OPA3: variants seen among roughly 807,000 people sequenced by gnomAD.
OPA3 encodes the protein outer mitochondrial membrane lipid metabolism regulator OPA3.
In OPA3, 6 loss-of-function variants were observed where a neutral mutation model predicts 4.0. The observed-to-expected ratio is 1.51, with a 90% CI of 0.83 to 2.99. OPA3 has a LOEUF of 2.99. OPA3 is among the 30% of genes most tolerant of loss of function. OPA3 has a pLI of 0.00. For synonymous variants in OPA3, 105 were observed against 117.1 expected (o/e 0.90, Z 0.67); for missense variants, 235 against 256.2 (o/e 0.92, Z 0.56).
rs972651509 is a variant in OPA3 at position 45,547,514 on chromosome 19, G to C, written c.*6000C>G. 1.3e-5 allele frequency: 2 copies of C among 152,298 alleles called. No homozygotes were observed. Among genetic ancestry groups the C allele is most frequent in the African/African-American group, 2.4e-5 (1 of 41,424 alleles). The allele number at this position is 152,298 out of a possible 1,614,324, so 9.4% of individuals were successfully genotyped here. A position where few individuals can be genotyped will look rare whatever the true frequency, so the allele number is the denominator to read the frequency against. On this transcript the variant is annotated 3_prime_UTR_variant, in exon 2 of 2. Transcript: ENST00000263275. Reference sequence around the variant, plus strand: ...CAGCCAGAAACTCTTGCTGTTCCAGGAACAGGCCAAGGCCACATCTGTCCT... The same window carrying C: ...CAGCCAGAAACTCTTGCTGTTCCAGCAACAGGCCAAGGCCACATCTGTCCT...
At chr19:45,583,536 G>C (rs1969886991) in intron 1 of OPA3, among the ~76,000 whole-genome samples, 1 of 151,364 alleles carries the variant, frequency 6.6e-6, no homozygotes, top group South Asian at 2.1e-4. Context: ...CAGTCTTGCT[G>C]TGTCGCCCAG....
At chr19:45,581,305 GA>G (rs1347370939) in intron 1 of OPA3, among the ~76,000 whole-genome samples, 3 of 152,140 alleles carry the variant, frequency 2.0e-5, no homozygotes, top group Non-Finnish European at 4.4e-5. Context: ...CAAACTTACA[GA>G]GGGGGAAAAA....
At chr19:45,567,389 C>T (rs947667839) in intron 1 of OPA3, among the ~76,000 whole-genome samples, 1 of 149,876 alleles carries the variant, frequency 6.7e-6, no homozygotes, top group Non-Finnish European at 1.5e-5. Flanking sequence ...TTGATACATT[C>T]AGCAAGAAGT....
At chr19:45,533,616 TC>T (rs1969084186) in intron 1 of OPA3, among the ~76,000 whole-genome samples, 1 of 152,094 alleles carries the variant, frequency 6.6e-6, no homozygotes, top group African/African-American at 2.4e-5. Context: ...CCAGGAGAGG[TC>T]AGTTCACCAG....
intron 1 of OPA3, among the ~76,000 whole-genome samples, chr19:45,580,714 G>T (rs1163068000): frequency 6.6e-6 from 1 of 150,788 alleles, no homozygotes; most frequent in Non-Finnish European, 1.5e-5. Flanking sequence ...TGCCTCCCAG[G>T]TTCAAGCAAT....
chr19:45,572,456 TATATC>T lies in OPA3; in HGVS notation c.142+12162_142+12166del, dbSNP rs1195773063. On this transcript the variant is annotated intron_variant, in intron 1 of 1. Coordinates refer to ENST00000263275, the MANE Select transcript of OPA3 (RefSeq NM_025136.4). ...GATATATGTATATCAATATATGATA[TATATC>T]ATATATCATATAATAATCATATATA... Among the ~76,000 whole-genome samples the T allele has an allele frequency of 4.5e-5, 6 of 134,230 alleles. No homozygotes were observed. The South Asian group carries it at 6.9e-4, about 15-fold the overall frequency. 88.1% of individuals were successfully genotyped at this position (134,230 alleles called of 152,430 possible).
At chr19:45,572,359 T>A (rs1568408998) in intron 1 of OPA3, among the ~76,000 whole-genome samples, 1 of 135,864 alleles carries the variant, frequency 7.4e-6, no homozygotes, top group African/African-American at 2.7e-5. Context: ...TCGACATATA[T>A]GAGATATATA....
chr19:45,536,246 T>TA (rs1205959269), intron 1 of OPA3, among the ~76,000 whole-genome samples: 71 of 113,240 alleles, frequency 6.3e-4, no homozygotes, highest in African/African-American at 1.8e-3. Flanking sequence ...AAAAAAAAAT[T>TA]AAAAAAAAAA....
chr19:45,583,196 G>A (rs928119697), intron 1 of OPA3, among the ~76,000 whole-genome samples: 1 of 151,980 alleles, frequency 6.6e-6, no homozygotes, highest in Non-Finnish European at 1.5e-5. Context: ...CGTCACCCAG[G>A]CTGGAGTACA....
At chr19:45,580,418 C>T (rs1201248461) in intron 1 of OPA3, among the ~76,000 whole-genome samples, 6 of 150,938 alleles carry the variant, frequency 4.0e-5, no homozygotes, top group East Asian at 1.9e-4. Context: ...CTCAGCCTCC[C>T]GAGTAGCTGG....
At chr19:45,577,529 C>T (rs1031099642) in intron 1 of OPA3, among the ~76,000 whole-genome samples, 2 of 152,220 alleles carry the variant, frequency 1.3e-5, no homozygotes, top group African/African-American at 4.8e-5. Context: ...CCTAACTGAG[C>T]TCCAGGTCTT....
chr19:45,573,280 G>A (rs553725868), intron 1 of OPA3, among the ~76,000 whole-genome samples: 5 of 151,734 alleles, frequency 3.3e-5, no homozygotes, highest in Admixed American at 6.6e-5. Context: ...ATATTCACAC[G>A]TCTCACTAAA....
chr19:45,567,339 C>CAA (rs749982867), intron 1 of OPA3, among the ~76,000 whole-genome samples: 87 of 60,594 alleles, frequency 1.4e-3, no homozygotes, highest in African/African-American at 3.8e-3. Flanking sequence ...GACCCTGTGT[C>CAA]AAAAAAAAAA....
intron 1 of OPA3, among the ~76,000 whole-genome samples, chr19:45,573,824 T>C (rs551200255): frequency 2.0e-5 from 3 of 152,242 alleles, no homozygotes; most frequent in Non-Finnish European, 4.4e-5. Context: ...GTGCACGAAG[T>C]CTTTATCTAG....
chr19:45,553,838 G>A lies in OPA3; in HGVS notation c.216C>T (p.Asn72=), dbSNP rs772750356. The A allele has an allele frequency of 1.9e-6, 3 of 1,613,054 alleles. No homozygotes were observed. Among genetic ancestry groups the A allele is most frequent in the Non-Finnish European group, 2.5e-6 (3 of 1,179,486 alleles). The change falls in exon 2 of 2, where the codon AAC becomes AAT. Residue 72 remains asparagine, a synonymous_variant. Coordinates refer to ENST00000263275, the MANE Select transcript of OPA3 (RefSeq NM_025136.4). The stretch of plus-strand genomic sequence containing the variant: ...CGCCCAGCTCAGCTGCCGCCTCCTC[G>A]TTCAGCGGCTTGATGACCGTGCCCC... ...GFRGTVIKPL[N]EEAAAELGAE...
chr19:45,532,426 C>T (rs763836602), intron 1 of OPA3, among the ~76,000 whole-genome samples: 3 of 152,144 alleles, frequency 2.0e-5, no homozygotes, highest in Admixed American at 6.6e-5. Context: ...TTAGAGACTC[C>T]TGAGCTTGCA....
chr19:45,583,205 C>G (rs1053124176), intron 1 of OPA3, among the ~76,000 whole-genome samples: 26 of 151,806 alleles, frequency 1.7e-4, no homozygotes, highest in Non-Finnish European at 1.3e-4. Context: ...GGCTGGAGTA[C>G]AGTGTTACGA....
At chr19:45,528,997 A>C in exon 2 of OPA3, 1 of 1,553,186 alleles carries the variant, frequency 6.4e-7, no homozygotes, top group South Asian at 1.2e-5. Flanking sequence ...GAATAGGCCA[A>C]GACAGAGACT....
At chr19:45,583,878 A>G (rs1451693001) in intron 1 of OPA3, among the ~76,000 whole-genome samples, 1 of 152,200 alleles carries the variant, frequency 6.6e-6, no homozygotes, top group Non-Finnish European at 1.5e-5. Flanking sequence ...TGGGTCAGCC[A>G]GTTCCTCTGA....
Sources: allele counts gnomAD v4.1 joint callset (sites outside exome capture counted in the v4.1 genomes callset), GRCh38; gene constraint gnomAD v4.1.1; transcripts MANE v1.5; gene names NCBI Gene and HGNC (gene_info 2026-07-23, HGNC 2026-07-21).